Variants in VPS26C observed in about 807,000 individuals in gnomAD.
The protein encoded by VPS26C is VPS26 endosomal protein sorting factor C.
A neutral mutation model predicts 30.6 loss-of-function variants in VPS26C; 19 were observed. The observed-to-expected ratio is 0.62, with a 90% confidence interval of 0.43 to 0.91. The LOEUF is 0.91. Among genes scored for constraint, VPS26C ranks in the 40% least tolerant of loss-of-function variants. The pLI, the probability that VPS26C is intolerant of heterozygous loss-of-function variation, is 0.00. For synonymous variants in VPS26C, 132 were observed against 151.5 expected, an observed-to-expected ratio of 0.87 and a Z score of 0.95; for missense variants, 318 against 385.1, an observed-to-expected ratio of 0.83 and a Z score of 1.46.
chr21:37,238,326 A>G, intron 3 of VPS26C, 134 bp downstream of exon 3: 2 of 994,736 alleles, frequency 2.0e-6, no homozygotes, highest in South Asian at 3.6e-5. Flanking sequence ...TTAACGTCGA[A>G]TATACATGCG....
chr21:37,258,356 C>T (rs2086267499), intron 1 of VPS26C, among the ~76,000 whole-genome samples: 1 of 132,962 alleles, frequency 7.5e-6, no homozygotes, highest in Non-Finnish European at 1.7e-5. Context: ...CAGCCGCAAC[C>T]CCTCTTTTCA....
chr21:37,266,883 C>G (rs1208676936), intron 1 of VPS26C: 1 of 372,722 alleles, frequency 2.7e-6, no homozygotes, highest in Non-Finnish European at 4.9e-6. Flanking sequence ...TGGTCGTCAA[C>G]TCCTCCGCCC....
At position 37,228,295 on chromosome 21, in the gene VPS26C, C is replaced by G; in HGVS notation, c.586G>C (p.Glu196Gln). Residue 196 changes from glutamate (E) to glutamine (Q), a missense_variant, in exon 6 of 8, where the codon GAG becomes CAG. Glu to Gln is a conservative substitution (Grantham distance 29). Transcript: ENST00000309117. The stretch of plus-strand genomic sequence containing the variant: ...GCTTCCGAGCTCTCCACCACCAGCT[C>G]TCCCGTTAGTGGCTGCGTGATGACA... ...NCVITQPLTG[E>Q]LVVESSEAAI... 1.9e-6 allele frequency: 3 copies of G among 1,614,200 alleles called. No individual in the cohort carries two copies. The highest frequency in any genetic ancestry group is 2.5e-6 in the Non-Finnish European group (3 of 1,180,036).
intron 1 of VPS26C, among the ~76,000 whole-genome samples, chr21:37,246,582 GA>G (rs1488504388): frequency 6.6e-6 from 1 of 152,172 alleles, no homozygotes; most frequent in Admixed American, 6.5e-5. Flanking sequence ...ATTGTAAGAA[GA>G]AGACTGAGAT....
chr21:37,232,540 G>A (rs1441953357), intron 4 of VPS26C, 89 bp from the exon 5 acceptor site: 10 of 1,120,068 alleles, frequency 8.9e-6, no homozygotes, highest in Admixed American at 3.7e-5. Context: ...ATAAACCAAC[G>A]GCAGCCTGGC....
intron 1 of VPS26C, chr21:37,266,992 C>G: frequency 3.5e-6 from 2 of 565,084 alleles, no homozygotes; most frequent in African/African-American, 2.0e-5. Context: ...GGGCGCCTGC[C>G]CTGCACGTCC....
intron 1 of VPS26C, among the ~76,000 whole-genome samples, chr21:37,259,271 T>C (rs1019041315): frequency 4.0e-5 from 6 of 150,582 alleles, no homozygotes; most frequent in African/African-American, 1.5e-4. Flanking sequence ...AATGAACTGT[T>C]ATGTATAGGG....
At chr21:37,253,528 A>C (rs1329607579) in intron 1 of VPS26C, among the ~76,000 whole-genome samples, 1 of 152,250 alleles carries the variant, frequency 6.6e-6, no homozygotes, top group Non-Finnish European at 1.5e-5. Context: ...AACTGAAGCC[A>C]CTGAACAAAA....
At chr21:37,227,852 G>A in intron 6 of VPS26C, 46 bp from the exon 7 acceptor site, 1 of 1,456,156 alleles carries the variant, frequency 6.9e-7, no homozygotes, top group South Asian at 1.2e-5. Flanking sequence ...AGCAGAGGCT[G>A]CGGGGTCCAC....
intron 1 of VPS26C, among the ~76,000 whole-genome samples, chr21:37,253,679 C>A (rs75567468): frequency 6.6e-6 from 1 of 152,094 alleles, no homozygotes; most frequent in Non-Finnish European, 1.5e-5. Flanking sequence ...CACATATTAA[C>A]AAAATTATGT....
At chr21:37,235,966 T>C (rs534616034) in intron 3 of VPS26C, among the ~76,000 whole-genome samples, 40 of 151,408 alleles carry the variant, frequency 2.6e-4, no homozygotes, top group Admixed American at 1.8e-3. Context: ...TGGGCTCAAG[T>C]GATTCTCCTA....
rs74528160 is a variant in VPS26C, at chr21:37,233,936, A to G, written c.352-494T>C. 0.052 allele frequency among the ~76,000 whole-genome samples: 7,850 copies of G among 152,348 alleles called. 525 individuals are homozygous for G. Among genetic ancestry groups the G allele is most frequent in the Admixed American group, 0.14 (2,174 of 15,304 alleles). ...ATCATGTGTGACAAGCACTCAGCAC[A>G]GGGCTGGCACAAAGCAATGCTGGAA... On this transcript the variant is annotated intron_variant, in intron 3 of 7. Transcript: ENST00000309117. The surrounding 1 kb of genome is among the most constrained non-coding windows in gnomAD (Gnocchi z 5.2).
rs1194445068 is a variant in VPS26C, at chr21:37,225,284, T to C, written c.*260A>G. 3.9e-6 allele frequency: 2 copies of C among 516,330 alleles called. No homozygotes were observed. Among genetic ancestry groups the C allele is most frequent in the Admixed American group, 6.2e-5 (2 of 32,070 alleles). The allele number at this position is 516,330 out of a possible 1,614,324, so 32.0% of individuals were successfully genotyped here. ...GATAAGGCAAGAGCCACAGTCAATGTTTTCTGTGAAATGGTCTTGGCAAAT... is the reference window on the plus strand; with the variant it reads ...GATAAGGCAAGAGCCACAGTCAATGCTTTCTGTGAAATGGTCTTGGCAAAT... On this transcript the variant is annotated 3_prime_UTR_variant, in exon 8 of 8. Coordinates refer to ENST00000309117, the MANE Select transcript of VPS26C (RefSeq NM_006052.2).
intron 1 of VPS26C, 73 bp from the exon 2 acceptor site, chr21:37,240,712 A>G: frequency 6.5e-7 from 1 of 1,540,596 alleles, no homozygotes; most frequent in South Asian, 1.2e-5. Context: ...TAGCAAACGT[A>G]GGTCTCCTTC....
chr21:37,258,357 CCT>C (rs1610995), intron 1 of VPS26C, among the ~76,000 whole-genome samples: 50,294 of 151,838 alleles, frequency 0.33, 8,678 homozygotes, highest in East Asian at 0.51. Flanking sequence ...AGCCGCAACC[CCT>C]CTTTTCAGTG....
intron 1 of VPS26C, chr21:37,261,445 GTTATT>G (rs1298139667): frequency 2.6e-5 from 4 of 152,170 alleles, no homozygotes; most frequent in Admixed American, 2.6e-4. Flanking sequence ...TCATTCCCAT[GTTATT>G]TTGTCTTTTC....
Position 37,233,781 on chromosome 21 carries a change from G to A in VPS26C, c.352-339C>T, listed in dbSNP as rs762446388. On this transcript the variant is annotated intron_variant, in intron 3 of 7. Transcript: ENST00000309117. The surrounding 1 kb of genome is among the most constrained non-coding windows in gnomAD (Gnocchi z 5.2). ...AAGGGCAGTGCGCTCAGGAGCAGAC[G>A]CCAGGCCAGATCCCGTTGTTGTCTG... is the stretch of plus-strand genomic sequence containing the variant. Among the ~76,000 whole-genome samples the A allele has an allele frequency of 1.4e-4, 21 of 152,154 alleles. No individual in the cohort carries two copies. Among genetic ancestry groups the A allele is most frequent in the Non-Finnish European group, 2.6e-4 (18 of 68,036 alleles).
intron 5 of VPS26C, among the ~76,000 whole-genome samples, chr21:37,230,078 G>A (rs974440279): frequency 5.3e-5 from 8 of 152,126 alleles, no homozygotes; most frequent in African/African-American, 1.4e-4. Context: ...TGTTGCCCAC[G>A]CTGGTCTTGA....
chr21:37,267,219 A>AAACC lies in VPS26C; in HGVS notation c.57+18_57+19insGGTT. 1 of 225,514 alleles carries AAACC rather than the reference A, an allele frequency of 4.4e-6. No individual in the cohort carries two copies. The highest frequency in any genetic ancestry group is 8.3e-6 in the Non-Finnish European group (1 of 121,164). The allele number at this position is 225,514 out of a possible 1,614,324, so 14.0% of individuals were successfully genotyped here. ...CCCGCCCAACCCCACCTCCATCCCC[A>AAACC]CCCCCAGCCCCCACTTACCCCGGCG... On this transcript the variant is annotated intron_variant, in intron 1 of 7. Transcript: ENST00000309117.
Sources: allele counts gnomAD v4.1 joint callset (sites outside exome capture counted in the v4.1 genomes callset), GRCh38; gene constraint gnomAD v4.1.1; non-coding constraint Gnocchi (gnomAD v3.1); transcripts MANE v1.5; gene names NCBI Gene and HGNC (gene_info 2026-07-23, HGNC 2026-07-21).